Variants in SYNDIG1L observed in about 807,000 individuals in gnomAD.
SYNDIG1L encodes the protein synapse differentiation-inducing gene protein 1-like.
A neutral mutation model predicts 20.1 loss-of-function variants in SYNDIG1L; 13 were observed. That is an observed-to-expected ratio of 0.65 (90% confidence interval 0.42 to 1.03). SYNDIG1L has a LOEUF of 1.03. Among genes scored for constraint, SYNDIG1L ranks in the 50% least tolerant of loss-of-function variants. The probability of loss-of-function intolerance (pLI) is 0.00; values close to 1 mark genes in which losing one functional copy is unlikely to be tolerated. For synonymous variants in SYNDIG1L, 128 were observed against 129.3 expected (o/e 0.99, Z 0.07); for missense variants, 294 against 305.1 (o/e 0.96, Z 0.27).
At chr14:74,470,678 A>G in the SYNDIG1L span, among the ~76,000 whole-genome samples, 7 of 152,218 alleles carry the variant, frequency 4.6e-5, no homozygotes, top group Admixed American at 2.0e-4. Context: ...TGTCTCCTCC[A>G]TCTCAGCCCC....
chr14:74,425,408 GCCTTGGCCCAAGAGCCAATC>G (rs758991787), intron 1 of SYNDIG1L, among the ~76,000 whole-genome samples: 5 of 152,212 alleles, frequency 3.3e-5, no homozygotes, highest in Non-Finnish European at 5.9e-5. Context: ...ATCCTAAGGG[GCCTTGGCCCAAGAGCCAATC>G]CCTTGGCCCA....
the SYNDIG1L span, among the ~76,000 whole-genome samples, chr14:74,450,858 G>C: frequency 6.6e-6 from 1 of 152,120 alleles, no homozygotes. Flanking sequence ...CTAAGATATA[G>C]AAATGACAAG....
rs759822995 is a variant in SYNDIG1L, at chr14:74,407,019, C to T, written c.*516G>A. On this transcript the variant is annotated 3_prime_UTR_variant, in exon 4 of 4. Transcript: ENST00000331628. ...TGCCTCCACGTATTTCCTTCTTGGC[C>T]TGCTGAGGTCTGGGCATGATGGGGC... The T allele has an allele frequency of 2.5e-4, 40 of 160,348 alleles. No homozygotes were observed. Among genetic ancestry groups the T allele is most frequent in the Admixed American group, 2.3e-3 (39 of 17,112 alleles). 9.9% of individuals were successfully genotyped at this position (160,348 alleles called of 1,614,324 possible).
At chr14:74,463,945 C>T in the SYNDIG1L span, among the ~76,000 whole-genome samples, 413 of 139,262 alleles carry the variant, frequency 3.0e-3, 1 homozygote, top group African/African-American at 9.9e-3. Flanking sequence ...GCTGATGAAC[C>T]GGGCAACTCA....
At chr14:74,459,471 T>C in the SYNDIG1L span, among the ~76,000 whole-genome samples, 1 of 152,180 alleles carries the variant, frequency 6.6e-6, no homozygotes, top group Non-Finnish European at 1.5e-5. Flanking sequence ...GCCACTGCAC[T>C]CCAGCCTGGG....
At chr14:74,455,706 G>A in the SYNDIG1L span, among the ~76,000 whole-genome samples, 30 of 152,220 alleles carry the variant, frequency 2.0e-4, no homozygotes, top group African/African-American at 6.0e-4. Context: ...GGCGTGAGCC[G>A]CAGTGCCCAG....
At chr14:74,440,516 T>TCAAAAA in the SYNDIG1L span, among the ~76,000 whole-genome samples, 1 of 97,242 alleles carries the variant, frequency 1.0e-5, no homozygotes, top group African/African-American at 4.6e-5. Context: ...CTCCGTCTCA[T>TCAAAAA]AAAAAAAAAA....
At chr14:74,459,980 C>T in the SYNDIG1L span, among the ~76,000 whole-genome samples, 1 of 152,202 alleles carries the variant, frequency 6.6e-6, no homozygotes, top group African/African-American at 2.4e-5. Flanking sequence ...CCCTTCCCTC[C>T]TTCCATGGCT....
chr14:74,447,392 C>A, the SYNDIG1L span, among the ~76,000 whole-genome samples: 1 of 151,924 alleles, frequency 6.6e-6, no homozygotes, highest in Non-Finnish European at 1.5e-5. Flanking sequence ...GAGTTCGAGA[C>A]CCTGGCCAAC....
At chr14:74,475,116 G>A in the SYNDIG1L span, among the ~76,000 whole-genome samples, 4 of 152,018 alleles carry the variant, frequency 2.6e-5, no homozygotes, top group Non-Finnish European at 5.9e-5. Flanking sequence ...GTCTTGAAAG[G>A]CACCTGGAAT....
the SYNDIG1L span, among the ~76,000 whole-genome samples, chr14:74,440,771 G>C: frequency 2.0e-5 from 3 of 151,390 alleles, no homozygotes; most frequent in Non-Finnish European, 2.9e-5. Flanking sequence ...TTTTAAAGAC[G>C]TGATAAATGT....
chr14:74,405,995 C>G lies in SYNDIG1L; in HGVS notation c.*1540G>C. ...GTGGAGGGCTGGGCAGTGCCCGAGG[C>G]AGGGGAGGACAGTGGGACAAGGGAT... On this transcript the variant is annotated 3_prime_UTR_variant, in exon 4 of 4. Transcript: ENST00000331628. 1 of 398,850 alleles carries G rather than the reference C, an allele frequency of 2.5e-6. No individual in the cohort carries two copies. The highest frequency in any genetic ancestry group is 4.4e-5 in the Admixed American group (1 of 22,738). The allele number at this position is 398,850 out of a possible 1,614,324, so 24.7% of individuals were successfully genotyped here. A position where few individuals can be genotyped will look rare whatever the true frequency, so the allele number is the denominator to read the frequency against.
At chr14:74,464,189 G>A in the SYNDIG1L span, among the ~76,000 whole-genome samples, 7 of 152,124 alleles carry the variant, frequency 4.6e-5, no homozygotes, top group Non-Finnish European at 8.8e-5. Context: ...GAAAAAGGGT[G>A]TAGGTTGGTA....
At chr14:74,410,727 T>C (rs2086124042) in intron 1 of SYNDIG1L, among the ~76,000 whole-genome samples, 1 of 151,828 alleles carries the variant, frequency 6.6e-6, no homozygotes, top group Non-Finnish European at 1.5e-5. Flanking sequence ...GCGCGCTGAG[T>C]CCAGAGCTTG....
chr14:74,413,152 C>T (rs2086145917), intron 1 of SYNDIG1L, among the ~76,000 whole-genome samples: 1 of 152,204 alleles, frequency 6.6e-6, no homozygotes, highest in Non-Finnish European at 1.5e-5. Flanking sequence ...CCCCCTATTC[C>T]CCCATCACTG....
At chr14:74,455,512 C>T in the SYNDIG1L span, among the ~76,000 whole-genome samples, 2 of 152,084 alleles carry the variant, frequency 1.3e-5, no homozygotes, top group Non-Finnish European at 1.5e-5. Flanking sequence ...TCTCGCCTCC[C>T]GAGTTCAAGT....
At chr14:74,439,342 AC>A in the SYNDIG1L span, among the ~76,000 whole-genome samples, 1 of 152,020 alleles carries the variant, frequency 6.6e-6, no homozygotes, top group African/African-American at 2.4e-5. Flanking sequence ...TAAACAACAC[AC>A]CTTAAGTCAT....
the SYNDIG1L span, among the ~76,000 whole-genome samples, chr14:74,471,207 C>T: frequency 6.6e-6 from 1 of 152,184 alleles, no homozygotes; most frequent in Non-Finnish European, 1.5e-5. Flanking sequence ...ACACAACACC[C>T]TGCAGAGCTT....
At chr14:74,442,646 A>G in the SYNDIG1L span, among the ~76,000 whole-genome samples, 1 of 152,194 alleles carries the variant, frequency 6.6e-6, no homozygotes, top group Admixed American at 6.5e-5. Flanking sequence ...TCTAGCTAAC[A>G]ATAGATTTTG....
Sources: allele counts gnomAD v4.1 joint callset (sites outside exome capture counted in the v4.1 genomes callset), GRCh38; gene constraint gnomAD v4.1.1; transcripts MANE v1.5; gene names NCBI Gene and HGNC (gene_info 2026-07-23, HGNC 2026-07-21).